Variants in NLGN1 observed in about 807,000 individuals in gnomAD.
NLGN1 encodes neuroligin 1.
A neutral mutation model predicts 65.5 loss-of-function variants in NLGN1; 12 were observed. The observed-to-expected ratio is 0.18, with a 90% confidence interval of 0.12 to 0.30. NLGN1 has a LOEUF of 0.30. Among genes scored for constraint, NLGN1 ranks in the 10% least tolerant of loss-of-function variants. The pLI is 1.00. For missense variants in NLGN1, 750 were observed against 1,007.1 expected, an observed-to-expected ratio of 0.74 and a Z score of 3.46; for synonymous variants, 350 against 359.5, an observed-to-expected ratio of 0.97 and a Z score of 0.30.
At chr3:174,109,378 A>T (rs1561063464) in intron 4 of NLGN1, among the ~76,000 whole-genome samples, 1 of 151,974 alleles carries the variant, frequency 6.6e-6, no homozygotes, top group Non-Finnish European at 1.5e-5. Flanking sequence ...TTGCACGTAA[A>T]GTCACTGTTA....
intron 4 of NLGN1, among the ~76,000 whole-genome samples, chr3:174,146,530 T>A (rs1256672183): frequency 6.6e-6 from 1 of 152,082 alleles, no homozygotes; most frequent in East Asian, 1.9e-4. Context: ...TGTTTAAAGA[T>A]CATTCAAATA....
intron 4 of NLGN1, among the ~76,000 whole-genome samples, chr3:174,176,845 G>T (rs928015270): frequency 2.0e-5 from 3 of 151,960 alleles, no homozygotes; most frequent in African/African-American, 7.2e-5. Context: ...TTACATATGG[G>T]TAATGGGTAT....
intron 3 of NLGN1, among the ~76,000 whole-genome samples, chr3:173,776,757 A>G (rs943235566): frequency 6.6e-6 from 1 of 151,994 alleles, no homozygotes; most frequent in African/African-American, 2.4e-5. Context: ...TAGGTGACAG[A>G]TTTGGTTAAA....
chr3:174,103,839 C>T (rs997731906), intron 4 of NLGN1, among the ~76,000 whole-genome samples: 1 of 151,790 alleles, frequency 6.6e-6, no homozygotes, highest in Non-Finnish European at 1.5e-5. Flanking sequence ...GGAAAATGGC[C>T]AGAGCATATA....
intron 4 of NLGN1, among the ~76,000 whole-genome samples, chr3:173,816,572 C>T (rs1719081738): frequency 6.6e-6 from 1 of 152,246 alleles, no homozygotes. Context: ...CAGCTCACTT[C>T]TCTGCTTAAC....
chr3:173,745,199 T>C (rs1478055877), intron 3 of NLGN1, among the ~76,000 whole-genome samples: 1 of 152,088 alleles, frequency 6.6e-6, no homozygotes, highest in Non-Finnish European at 1.5e-5. Context: ...AGAGATGCCT[T>C]GCTTGTGACT....
intron 3 of NLGN1, among the ~76,000 whole-genome samples, chr3:173,700,034 A>C (rs185759439): frequency 7.9e-5 from 12 of 152,364 alleles, no homozygotes; most frequent in African/African-American, 2.9e-4. Context: ...TCACAAGGAC[A>C]AAACTCCACA....
intron 4 of NLGN1, among the ~76,000 whole-genome samples, chr3:174,080,188 C>T (rs946518243): frequency 6.6e-6 from 1 of 152,090 alleles, no homozygotes; most frequent in Non-Finnish European, 1.5e-5. Flanking sequence ...ATACCCAATG[C>T]GATGGAAATG....
At chr3:173,512,681 G>A (rs890969625) in intron 2 of NLGN1, among the ~76,000 whole-genome samples, 1 of 152,128 alleles carries the variant, frequency 6.6e-6, no homozygotes, top group Non-Finnish European at 1.5e-5. Context: ...TCTCACTTTG[G>A]GCTGCGAGTT....
chr3:173,536,261 A>G (rs1228931542), intron 2 of NLGN1, among the ~76,000 whole-genome samples: 2 of 152,150 alleles, frequency 1.3e-5, no homozygotes, highest in East Asian at 3.9e-4. Flanking sequence ...CTACCTCTTA[A>G]TCACAGTCTA....
At position 173,989,030 on chromosome 3, in the gene NLGN1, G is replaced by T. The variant is rs145283558; in HGVS notation, c.646+181198G>T. ...CTAGCAGATTGAGAATAATTTTGATGAGTTGACACTTAATTTGGTAAATTC... is the reference window on the plus strand; with the variant it reads ...CTAGCAGATTGAGAATAATTTTGATTAGTTGACACTTAATTTGGTAAATTC... On this transcript the variant is annotated intron_variant, in intron 4 of 6. Transcript: ENST00000457714. Among the ~76,000 whole-genome samples, 867 of 152,278 alleles carry T rather than the reference G, an allele frequency of 5.7e-3. 13 individuals carry two copies. Among genetic ancestry groups the T allele is most frequent in the African/African-American group, 0.02 (835 of 41,570 alleles).
chr3:173,769,640 A>G (rs1779294825), intron 3 of NLGN1, among the ~76,000 whole-genome samples: 1 of 152,166 alleles, frequency 6.6e-6, no homozygotes. Flanking sequence ...AATTCATCCA[A>G]GGCCTGGCAC....
At chr3:173,969,558 G>T (rs1715714991) in intron 4 of NLGN1, among the ~76,000 whole-genome samples, 2 of 152,008 alleles carry the variant, frequency 1.3e-5, no homozygotes, top group African/African-American at 4.8e-5. Context: ...CTAGAGCAAG[G>T]TTTGGCCTGC....
chr3:174,171,890 G>C (rs767742323), intron 4 of NLGN1, among the ~76,000 whole-genome samples: 10 of 151,918 alleles, frequency 6.6e-5, no homozygotes, highest in Non-Finnish European at 1.0e-4. Context: ...TATCCTCTTA[G>C]TCCTCCCTCA....
At chr3:174,073,066 T>G (rs1740232069) in intron 4 of NLGN1, among the ~76,000 whole-genome samples, 1 of 152,128 alleles carries the variant, frequency 6.6e-6, no homozygotes, top group Admixed American at 6.6e-5. Flanking sequence ...AAATAACTCC[T>G]TAGGCTATGT....
intron 4 of NLGN1, among the ~76,000 whole-genome samples, chr3:174,203,254 A>C (rs1281423686): frequency 1.3e-5 from 2 of 152,192 alleles, no homozygotes; most frequent in African/African-American, 4.8e-5. Flanking sequence ...AAAGGTTAAA[A>C]ATTCTAATTG....
chr3:173,720,660 C>A (rs973794320), intron 3 of NLGN1, among the ~76,000 whole-genome samples: 1 of 152,144 alleles, frequency 6.6e-6, no homozygotes, highest in Non-Finnish European at 1.5e-5. Context: ...ATTTGTATTG[C>A]TATGTGAATA....
intron 4 of NLGN1, among the ~76,000 whole-genome samples, chr3:173,987,587 C>T (rs1455034314): frequency 1.3e-5 from 2 of 152,164 alleles, no homozygotes; most frequent in African/African-American, 2.4e-5. Context: ...TAGTTTCTAT[C>T]TCTTTTGATC....
At chr3:173,762,360 G>A (rs1242375390) in intron 3 of NLGN1, among the ~76,000 whole-genome samples, 2 of 151,990 alleles carry the variant, frequency 1.3e-5, no homozygotes, top group Admixed American at 6.6e-5. Context: ...CTTGGGATCT[G>A]CTATAAAAGT....
Sources: allele counts gnomAD v4.1 joint callset (sites outside exome capture counted in the v4.1 genomes callset), GRCh38; gene constraint gnomAD v4.1.1; transcripts MANE v1.5; gene names NCBI Gene and HGNC (gene_info 2026-07-23, HGNC 2026-07-21).